The following GOLIM4 variants were observed in gnomAD, a reference collection of about 807,000 sequenced individuals.
GOLIM4 encodes the protein 130 kDa golgi-localized phosphoprotein.
In GOLIM4, 71 loss-of-function variants were observed where a neutral mutation model predicts 107.4. That is an observed-to-expected ratio of 0.66 (90% CI 0.55 to 0.81). GOLIM4 has a LOEUF of 0.81. Among genes scored for constraint, GOLIM4 ranks in the 30% least tolerant of loss-of-function variants. The probability of loss-of-function intolerance (pLI) is 0.00; values close to 1 mark genes in which losing one functional copy is unlikely to be tolerated. For missense variants in GOLIM4, 830 were observed against 826.1 expected (o/e 1.00, Z -0.06); for synonymous variants, 327 against 294.8 (o/e 1.11, Z -1.12).
intron 1 of GOLIM4, among the ~76,000 whole-genome samples, chr3:168,091,942 G>A (rs1320459066): frequency 6.6e-6 from 1 of 152,142 alleles, no homozygotes; most frequent in African/African-American, 2.4e-5. Context: ...GCACGGAAAG[G>A]CTCAGTTTTA....
intron 1 of GOLIM4, among the ~76,000 whole-genome samples, chr3:168,067,897 T>G (rs1389025445): frequency 6.6e-6 from 1 of 151,944 alleles, no homozygotes; most frequent in Admixed American, 6.6e-5. Context: ...TACCTGATAT[T>G]TATTGTGTGG....
chr3:168,086,190 C>T (rs549780979), intron 1 of GOLIM4, among the ~76,000 whole-genome samples: 1 of 152,138 alleles, frequency 6.6e-6, no homozygotes, highest in Non-Finnish European at 1.5e-5. Context: ...GATTGAGCTA[C>T]TAATGCAGAA....
chr3:168,073,938 G>C (rs1720951755), intron 1 of GOLIM4, among the ~76,000 whole-genome samples: 1 of 152,102 alleles, frequency 6.6e-6, no homozygotes, highest in Non-Finnish European at 1.5e-5. Flanking sequence ...ACCATAATGG[G>C]GCTGGCTGAC....
chr3:168,021,113 G>A (rs1717653324), intron 14 of GOLIM4, among the ~76,000 whole-genome samples: 2 of 152,008 alleles, frequency 1.3e-5, no homozygotes, highest in African/African-American at 4.8e-5. Flanking sequence ...TTTAATAAAC[G>A]GCCAAATCCA....
chr3:168,039,636 C>A (rs1718865872), intron 7 of GOLIM4, among the ~76,000 whole-genome samples: 1 of 152,074 alleles, frequency 6.6e-6, no homozygotes, highest in Admixed American at 6.5e-5. Flanking sequence ...TGGTTTTGGT[C>A]ATCAAATAAA....
intron 12 of GOLIM4, 24 bp downstream of exon 12, chr3:168,027,703 CA>C (rs763338154): frequency 9.0e-6 from 12 of 1,337,406 alleles, no homozygotes; most frequent in African/African-American, 8.7e-5. Flanking sequence ...TTACATGTGT[CA>C]GGGGCAGAAG....
intron 7 of GOLIM4, 145 bp from the exon 8 acceptor site, chr3:168,037,139 A>G (rs1358778560): frequency 7.5e-6 from 4 of 534,320 alleles, no homozygotes; most frequent in East Asian, 2.8e-5. Flanking sequence ...TGCATTCACT[A>G]TTCTTACTTG....
intron 14 of GOLIM4, among the ~76,000 whole-genome samples, chr3:168,024,256 C>A (rs1188939995): frequency 1.3e-5 from 2 of 152,156 alleles, no homozygotes; most frequent in Non-Finnish European, 2.9e-5. Context: ...CTAAGTCCAC[C>A]ATTCCTGGAA....
chr3:168,072,888 A>G (rs1306482522), intron 1 of GOLIM4, among the ~76,000 whole-genome samples: 1 of 152,226 alleles, frequency 6.6e-6, no homozygotes, highest in Non-Finnish European at 1.5e-5. Flanking sequence ...AAACTGCTCT[A>G]TATATGATGA....
chr3:168,046,806 C>CA (rs10663226), intron 3 of GOLIM4, 144 bp downstream of exon 3: 26,811 of 365,466 alleles, frequency 0.073, 262 homozygotes, highest in African/African-American at 0.13. Flanking sequence ...TTTTGGCAGC[C>CA]AAAAAAAAAA....
At chr3:168,036,413 C>T (rs1376715933) in intron 8 of GOLIM4, among the ~76,000 whole-genome samples, 3 of 152,070 alleles carry the variant, frequency 2.0e-5, no homozygotes, top group Non-Finnish European at 2.9e-5. Context: ...TGGTGGCGGG[C>T]GCCTATAATC....
chr3:168,066,644 C>G (rs1468400608), intron 1 of GOLIM4, among the ~76,000 whole-genome samples: 2 of 152,060 alleles, frequency 1.3e-5, no homozygotes, highest in African/African-American at 4.8e-5. Context: ...TCAATCATAA[C>G]AAACTATACT....
intron 1 of GOLIM4, among the ~76,000 whole-genome samples, chr3:168,054,214 C>A (rs533400507): frequency 1.3e-5 from 2 of 152,284 alleles, no homozygotes; most frequent in Admixed American, 1.3e-4. Flanking sequence ...TTTAATAAGC[C>A]CTTTCCCACA....
intron 1 of GOLIM4, among the ~76,000 whole-genome samples, chr3:168,054,686 T>C (rs1001942730): frequency 6.6e-6 from 1 of 152,238 alleles, no homozygotes; most frequent in African/African-American, 2.4e-5. Flanking sequence ...TTTTTACTTA[T>C]TAATTCCCTG....
intron 14 of GOLIM4, among the ~76,000 whole-genome samples, chr3:168,014,008 A>C (rs1408778274): frequency 8.4e-5 from 12 of 142,956 alleles, no homozygotes; most frequent in Admixed American, 2.0e-4. Flanking sequence ...ACACATTCAA[A>C]AGCTAGCAGA....
chr3:168,041,519 C>G lies in GOLIM4; in HGVS notation c.518-45G>C, dbSNP rs771421005. ...ATCACACATAAAGCCTTGAAACTTT[C>G]AGGATTCTGTTTCTATTATTTTCAT... On this transcript the variant is annotated intron_variant, in intron 5 of 15. Transcript: ENST00000470487. The G allele has an allele frequency of 1.1e-5, 10 of 919,400 alleles. No homozygotes were observed. The South Asian group carries it at 1.4e-4, about 13-fold the overall frequency. 57.0% of individuals were successfully genotyped at this position (919,400 alleles called of 1,614,324 possible). A position where few individuals can be genotyped will look rare whatever the true frequency, so the allele number is the denominator to read the frequency against.
chr3:168,023,649 A>G (rs1177165815), intron 14 of GOLIM4, among the ~76,000 whole-genome samples: 1 of 152,220 alleles, frequency 6.6e-6, no homozygotes, highest in East Asian at 1.9e-4. Context: ...CATTTGCAAG[A>G]CACCTGGCTG....
At chr3:168,057,876 T>C (rs527461741) in intron 1 of GOLIM4, among the ~76,000 whole-genome samples, 9 of 152,334 alleles carry the variant, frequency 5.9e-5, no homozygotes, top group Admixed American at 2.6e-4. Flanking sequence ...TTGAATGCAC[T>C]TGGAAGAGAT....
chr3:168,026,904 G>C (rs1035153472), intron 12 of GOLIM4, among the ~76,000 whole-genome samples: 3 of 152,200 alleles, frequency 2.0e-5, no homozygotes, highest in Non-Finnish European at 2.9e-5. Flanking sequence ...GCAAGGACAT[G>C]GGTCCTCCTT....
Sources: gnomAD v4.1 joint callset for allele counts (sites outside exome capture counted in the v4.1 genomes callset) on GRCh38, gnomAD v4.1.1 for gene constraint, MANE v1.5 for transcripts, NCBI Gene and HGNC (gene_info 2026-07-23, HGNC 2026-07-21) for gene names.